TTC3: variants seen among roughly 807,000 people sequenced by gnomAD.
TTC3 encodes tetratricopeptide repeat domain 3, also known as E3 ubiquitin-protein ligase TTC3.
TTC3 carries 180 observed loss-of-function variants against 249.6 expected under a neutral mutation model. The observed-to-expected ratio is 0.72, with a 90% CI of 0.64 to 0.82. TTC3 has a LOEUF of 0.82. TTC3 is among the 40% of genes least tolerant of loss of function. The pLI, the probability that TTC3 is intolerant of heterozygous loss-of-function variation, is 0.00. For missense variants in TTC3, 2,061 were observed against 2,398.4 expected (o/e 0.86, Z 2.94); for synonymous variants, 717 against 805.0 (o/e 0.89, Z 1.85).
chr21:37,135,424 T>C, exon 18 of TTC3: 1 of 1,613,796 alleles, frequency 6.2e-7, no homozygotes, highest in South Asian at 1.1e-5. Flanking sequence ...TAATTCAAGA[T>C]GGCTATATGG....
At chr21:37,110,784 A>C (rs983872010) in intron 11 of TTC3, among the ~76,000 whole-genome samples, 1 of 152,196 alleles carries the variant, frequency 6.6e-6, no homozygotes, top group African/African-American at 2.4e-5. Context: ...TGAAGGAAAA[A>C]ATGTTAAGGG....
At chr21:37,119,610 G>A (rs2076424882) in intron 11 of TTC3, among the ~76,000 whole-genome samples, 2 of 152,162 alleles carry the variant, frequency 1.3e-5, no homozygotes, top group Admixed American at 1.3e-4. Flanking sequence ...GAGGCTGCCA[G>A]TCTCTGCCTA....
Position 37,126,148 on chromosome 21 carries a change from G to A in TTC3, c.1297+5G>A, listed in dbSNP as rs1351301828. ...CTGAATTTTCACCACCATCAAGTGAGTATTGTTTTTATATCAATTGTTGCC... is the reference window on the plus strand; with the variant it reads ...CTGAATTTTCACCACCATCAAGTGAATATTGTTTTTATATCAATTGTTGCC... On this transcript the variant is annotated splice_donor_5th_base_variant and intron_variant, in intron 15 of 45. Coordinates refer to ENST00000355666, the Ensembl canonical transcript of TTC3. 1.2e-5 allele frequency: 19 copies of A among 1,609,432 alleles called. No homozygotes were observed. The highest frequency in any genetic ancestry group is 1.6e-5 in the Non-Finnish European group (19 of 1,178,500).
intron 41 of TTC3, 32 bp downstream of exon 41, chr21:37,192,245 A>G: frequency 1.5e-6 from 2 of 1,347,414 alleles, no homozygotes; most frequent in South Asian, 1.4e-5. Context: ...TTTTTTTTTA[A>G]ACCATAATTC....
chr21:37,155,444 C>A (rs896121550), intron 27 of TTC3, among the ~76,000 whole-genome samples: 1 of 152,178 alleles, frequency 6.6e-6, no homozygotes, highest in Non-Finnish European at 1.5e-5. Flanking sequence ...TTTCATTGGG[C>A]TCTCATAAAT....
At chr21:37,129,914 G>T (rs931714092) in intron 16 of TTC3, among the ~76,000 whole-genome samples, 55 of 152,180 alleles carry the variant, frequency 3.6e-4, no homozygotes, top group African/African-American at 1.3e-3. Flanking sequence ...CAGAGTGCTG[G>T]GATTGCAGGC....
rs752973578 is a variant in TTC3 at position 37,090,245 on chromosome 21, C to T, written c.439C>T (p.Leu147Phe). The T allele has an allele frequency of 6.9e-6, 11 of 1,602,002 alleles. No homozygotes were observed. In the Admixed American group the frequency reaches 8.5e-5, roughly 12 times the overall value. ...TTTTATTTTTCAGAATGATTCATTC[C>T]TTATTGGAGGCTTATTGAGAATTGG... The change falls in exon 6 of 46, where the codon CTT (leucine) becomes TTT (phenylalanine). Residue 147 changes from leucine (L) to phenylalanine (F), a missense_variant. Around this residue, in one of 3 missense-constraint regions of TTC3, gnomAD observed 989 missense variants for 1,145.1 expected, o/e 0.86. Transcript: ENST00000355666.
At position 37,124,112 on chromosome 21, in the gene TTC3, C is replaced by CTTTTTTTTTTTTTTTTTTTT. The variant is rs60916518; in HGVS notation, c.1110-503_1110-484dup. On this transcript the variant is annotated intron_variant, in intron 13 of 45. Transcript: ENST00000355666. ...GCAGAATACTTCTTTTTGAACTGTT[C>CTTTTTTTTTTTTTTTTTTTT]TTTTTTTTTTTTTTTTTTTTTTTGA... Among the ~76,000 whole-genome samples, 61 of 61,282 alleles carry CTTTTTTTTTTTTTTTTTTTT rather than the reference C, an allele frequency of 1.0e-3. 18 individuals carry two copies. Among genetic ancestry groups the CTTTTTTTTTTTTTTTTTTTT allele is most frequent in the Admixed American group, 1.2e-3 (4 of 3,202 alleles). 40.2% of individuals were successfully genotyped at this position (61,282 alleles called of 152,430 possible).
At chr21:37,085,298 T>G (rs992756436) in intron 1 of TTC3, among the ~76,000 whole-genome samples, 20 of 152,242 alleles carry the variant, frequency 1.3e-4, no homozygotes, top group African/African-American at 4.1e-4. Context: ...TTTCTGGTCA[T>G]TGTTCACTTT....
chr21:37,147,528 AGAT>A (rs2079084910), exon 22 of TTC3: 1 of 1,610,626 alleles, frequency 6.2e-7, no homozygotes, highest in South Asian at 1.1e-5. Flanking sequence ...CTCCAGTGCC[AGAT>A]GCCATTTGTT....
intron 39 of TTC3, among the ~76,000 whole-genome samples, chr21:37,190,147 T>C (rs1015694623): frequency 1.5e-4 from 19 of 130,850 alleles, no homozygotes; most frequent in African/African-American, 4.8e-4. Context: ...TTTTTTTTTT[T>C]TTTTTTTTTT....
At chr21:37,131,927 C>T (rs1343565913) in intron 16 of TTC3, among the ~76,000 whole-genome samples, 1 of 152,130 alleles carries the variant, frequency 6.6e-6, no homozygotes, top group African/African-American at 2.4e-5. Context: ...TTCTGAAATG[C>T]TTGTATCTTA....
chr21:37,094,433 A>G (rs1259981401), intron 8 of TTC3, among the ~76,000 whole-genome samples: 8 of 152,212 alleles, frequency 5.3e-5, no homozygotes, highest in Non-Finnish European at 5.9e-5. Context: ...TTAATGTTGT[A>G]TTGAATTCCC....
intron 10 of TTC3, among the ~76,000 whole-genome samples, chr21:37,106,731 C>A (rs1411245526): frequency 1.3e-5 from 2 of 152,038 alleles, no homozygotes; most frequent in South Asian, 4.2e-4. Flanking sequence ...CAAAAAAATT[C>A]AAAAATTAGC....
At chr21:37,159,606 C>T in intron 28 of TTC3, 93 bp from the exon 29 acceptor site, 1 of 1,364,186 alleles carries the variant, frequency 7.3e-7, no homozygotes, top group South Asian at 1.3e-5. Flanking sequence ...TGGCCTATGC[C>T]AGTAGTATGA....
At chr21:37,113,641 C>T (rs2075869354) in intron 11 of TTC3, among the ~76,000 whole-genome samples, 6 of 152,188 alleles carry the variant, frequency 3.9e-5, no homozygotes, top group Admixed American at 2.6e-4. Flanking sequence ...GTGCCATCCC[C>T]ATCAAGCTAC....
intron 31 of TTC3, among the ~76,000 whole-genome samples, chr21:37,163,087 A>T (rs2080919270): frequency 6.6e-6 from 1 of 152,224 alleles, no homozygotes. Flanking sequence ...CATAGCCTTT[A>T]CTGAGATTAA....
intron 7 of TTC3, 22 bp from the exon 8 acceptor site, chr21:37,093,983 C>T (rs2073633136): frequency 1.4e-6 from 2 of 1,475,654 alleles, no homozygotes; most frequent in East Asian, 2.3e-5. Flanking sequence ...CTCTCTTGCT[C>T]TCTCCTAAAA....
At chr21:37,080,953 TA>T (rs902167983) in intron 1 of TTC3, among the ~76,000 whole-genome samples, 10 of 151,480 alleles carry the variant, frequency 6.6e-5, no homozygotes, top group African/African-American at 7.3e-5. Context: ...TTTTAGATAT[TA>T]AAAAAAATCT....
Sources: allele counts gnomAD v4.1 joint callset (sites outside exome capture counted in the v4.1 genomes callset), GRCh38; gene constraint gnomAD v4.1.1; regional missense constraint gnomAD v4.1.1; transcripts MANE v1.5; gene names NCBI Gene and HGNC (gene_info 2026-07-23, HGNC 2026-07-21).